TXLNB: variants seen among roughly 807,000 people sequenced by gnomAD.
TXLNB encodes taxilin beta, also known as beta-taxilin.
Under a neutral mutation model 57.4 loss-of-function variants are expected in TXLNB, and 37 were observed. The observed-to-expected ratio is 0.64, with a 90% CI of 0.50 to 0.85. The LOEUF (loss-of-function observed/expected upper bound fraction) is 0.85, where lower values mean the gene tolerates loss of function less well. Among genes scored for constraint, TXLNB ranks in the 40% least tolerant of loss-of-function variants. The pLI is 0.00. For synonymous variants in TXLNB, 302 were observed against 309.6 expected (o/e 0.98, Z 0.26); for missense variants, 848 against 825.6 (o/e 1.03, Z -0.33).
chr6:139,249,899 G>A (rs920093278), intron 7 of TXLNB, among the ~76,000 whole-genome samples: 1 of 152,108 alleles, frequency 6.6e-6, no homozygotes, highest in Non-Finnish European at 1.5e-5. Context: ...GAGTAAAGGG[G>A]CATCAAGGAA....
At chr6:139,257,781 T>C (rs1776381767) in intron 6 of TXLNB, among the ~76,000 whole-genome samples, 1 of 152,198 alleles carries the variant, frequency 6.6e-6, no homozygotes, top group South Asian at 2.1e-4. Flanking sequence ...AAACTAACAA[T>C]AAAATCATTA....
intron 6 of TXLNB, among the ~76,000 whole-genome samples, chr6:139,256,880 G>T (rs1389752841): frequency 2.0e-5 from 3 of 152,204 alleles, no homozygotes; most frequent in Admixed American, 6.5e-5. Context: ...AAATGGTCTG[G>T]ATATCGGTGG....
chr6:139,231,178 C>T, the TXLNB span, among the ~76,000 whole-genome samples: 8 of 152,296 alleles, frequency 5.3e-5, no homozygotes, highest in East Asian at 1.5e-3. Flanking sequence ...CCCCCATTCT[C>T]TAGCAAGAAC....
chr6:139,286,335 C>T (rs1288398005), intron 2 of TXLNB, among the ~76,000 whole-genome samples: 1 of 150,124 alleles, frequency 6.7e-6, no homozygotes, highest in African/African-American at 2.5e-5. Flanking sequence ...CTGCTTATTC[C>T]TCTTTCCCTT....
chr6:139,217,667 G>C, the TXLNB span, among the ~76,000 whole-genome samples: 1 of 151,946 alleles, frequency 6.6e-6, no homozygotes, highest in African/African-American at 2.4e-5. Flanking sequence ...AGAAGATCGA[G>C]ACCATCCTGG....
chr6:139,216,915 T>C, the TXLNB span, among the ~76,000 whole-genome samples: 1 of 152,174 alleles, frequency 6.6e-6, no homozygotes, highest in Non-Finnish European at 1.5e-5. Flanking sequence ...GGGTACAGTG[T>C]ACACTGCTCG....
rs34392544 is a variant in TXLNB at position 139,283,576 on chromosome 6, C to CAA, written c.424+4898_424+4899dup. 3.2e-4 allele frequency among the ~76,000 whole-genome samples: 21 copies of CAA among 66,248 alleles called. 1 individual carries two copies. The highest frequency in any genetic ancestry group is 0.011 in the Middle Eastern group (1 of 92). The allele number at this position is 66,248 out of a possible 152,430, so 43.5% of individuals were successfully genotyped here. ...GGGCAATGAGAGCGAAACTCCGTCTCAAAAAAAAAAAAAAAAAATGTCTCT... is the reference window on the plus strand; with the variant it reads ...GGGCAATGAGAGCGAAACTCCGTCTCAAAAAAAAAAAAAAAAAAAATGTCTCT... On this transcript the variant is annotated intron_variant, in intron 2 of 9. Transcript: ENST00000358430.
In TXLNB at chr6:139,282,415, A is replaced by G. The variant is rs193042733; in HGVS notation, c.425-5494T>C. Among the ~76,000 whole-genome samples, 305 of 144,728 alleles carry G rather than the reference A, an allele frequency of 2.1e-3. 28 individuals carry two copies. Among genetic ancestry groups the G allele is most frequent in the African/African-American group, 7.6e-3 (298 of 39,292 alleles). The allele number at this position is 144,728 out of a possible 152,430, so 94.9% of individuals were successfully genotyped here. On this transcript the variant is annotated intron_variant, in intron 2 of 9. Coordinates refer to ENST00000358430, the MANE Select transcript of TXLNB (RefSeq NM_153235.4). ...AACACAGTGAAACCCCGTCTCTACT[A>G]AAAATATAAAAATTGGCCATGCATG...
the TXLNB span, among the ~76,000 whole-genome samples, chr6:139,218,609 A>G: frequency 2.2e-4 from 34 of 152,212 alleles, no homozygotes; most frequent in African/African-American, 8.2e-4. Flanking sequence ...AAAATTAGCC[A>G]GGCATGGTGG....
chr6:139,180,711 T>C, the TXLNB span: 614 of 152,782 alleles, frequency 4.0e-3, 2 homozygotes, highest in Middle Eastern at 0.014. Flanking sequence ...GTTGATAAAA[T>C]TGAAACATTT....
At chr6:139,193,822 T>TTTTATATATATATATATATA in the TXLNB span, among the ~76,000 whole-genome samples, 7 of 92,624 alleles carry the variant, frequency 7.6e-5, no homozygotes, top group African/African-American at 1.4e-4. Flanking sequence ...CCTGGCTAAT[T>TTTTATATATATATATATATA]TATATATATA....
chr6:139,286,744 G>A (rs569621102), intron 2 of TXLNB: 141 of 153,784 alleles, frequency 9.2e-4, no homozygotes, highest in Non-Finnish European at 1.6e-3. Context: ...TCATAGGAGC[G>A]TGAACCCTAT....
the TXLNB span, among the ~76,000 whole-genome samples, chr6:139,196,488 C>T: frequency 6.7e-6 from 1 of 150,366 alleles, no homozygotes; most frequent in African/African-American, 2.5e-5. Flanking sequence ...TATTCTCCTG[C>T]CTCAGCCTCC....
At chr6:139,212,109 A>G in the TXLNB span, among the ~76,000 whole-genome samples, 1 of 152,188 alleles carries the variant, frequency 6.6e-6, no homozygotes, top group African/African-American at 2.4e-5. Flanking sequence ...CAACATTCAA[A>G]TTCAGGAAAT....
At chr6:139,268,484 G>A (rs1321026547) in intron 4 of TXLNB, among the ~76,000 whole-genome samples, 2 of 151,970 alleles carry the variant, frequency 1.3e-5, no homozygotes, top group Non-Finnish European at 2.9e-5. Context: ...ATGTATGATC[G>A]GCTATAAAAA....
the TXLNB span, among the ~76,000 whole-genome samples, chr6:139,171,891 G>A: frequency 1.3e-5 from 2 of 151,700 alleles, no homozygotes; most frequent in Admixed American, 1.3e-4. Context: ...GAGTGCAATG[G>A]TGCTATCTCG....
chr6:139,288,337 C>T (rs1027901581), intron 2 of TXLNB, 139 bp downstream of exon 2: 1 of 836,572 alleles, frequency 1.2e-6, no homozygotes, highest in Non-Finnish European at 1.8e-6. Context: ...GGGCTGGGGA[C>T]AAATACAACA....
At chr6:139,166,173 T>C in the TXLNB span, 2 of 862,456 alleles carry the variant, frequency 2.3e-6, no homozygotes, top group Admixed American at 5.0e-5. Flanking sequence ...TGGAACTGCC[T>C]TTCATTATAT....
chr6:139,311,641 A>C, the TXLNB span, among the ~76,000 whole-genome samples: 4 of 152,126 alleles, frequency 2.6e-5, no homozygotes, highest in Non-Finnish European at 4.4e-5. Flanking sequence ...GAGATGTACT[A>C]AACTGGAGAA....
Sources: gnomAD v4.1 joint callset for allele counts (sites outside exome capture counted in the v4.1 genomes callset) on GRCh38, gnomAD v4.1.1 for gene constraint, MANE v1.5 for transcripts, NCBI Gene and HGNC (gene_info 2026-07-23, HGNC 2026-07-21) for gene names.